The following MTA3 variants were observed in gnomAD, a reference collection of about 807,000 sequenced individuals.
MTA3 encodes the protein metastasis associated 1 family member 3, also known as metastasis-associated protein MTA3.
Under a neutral mutation model 83.5 loss-of-function variants are expected in MTA3, and 34 were observed. The ratio of observed to expected loss-of-function variants is 0.41; its 90% CI spans 0.31 to 0.54. The LOEUF (loss-of-function observed/expected upper bound fraction) is 0.54, where lower values mean the gene tolerates loss of function less well. MTA3 is among the 20% of genes least tolerant of loss of function. MTA3 has a pLI of 0.33. For synonymous variants in MTA3, 303 were observed against 252.7 expected (o/e 1.20, Z -1.89); for missense variants, 761 against 726.4 (o/e 1.05, Z -0.55).
At chr2:42,504,743 C>A (rs1674552512) in intron 2 of MTA3, among the ~76,000 whole-genome samples, 1 of 151,648 alleles carries the variant, frequency 6.6e-6, no homozygotes, top group Admixed American at 6.6e-5. Context: ...GCAGTTCTCC[C>A]ACCTCATCTT....
intron 16 of MTA3, chr2:42,752,144 A>G: frequency 2.1e-6 from 1 of 470,354 alleles, no homozygotes; most frequent in Non-Finnish European, 4.4e-6. Flanking sequence ...CATGATTCCT[A>G]AACTGAATTT....
chr2:42,664,972 G>C (rs1035401146), intron 8 of MTA3, among the ~76,000 whole-genome samples: 36 of 152,254 alleles, frequency 2.4e-4, no homozygotes, highest in African/African-American at 8.4e-4. Context: ...GAATATAGTT[G>C]AGCTGTGAAT....
rs780515894 is a variant in MTA3 at position 42,667,030 on chromosome 2, T to C, written c.702+7168T>C. Among the ~76,000 whole-genome samples, 43 of 152,300 alleles carry C rather than the reference T, an allele frequency of 2.8e-4. 1 individual carries two copies. Among genetic ancestry groups the C allele is most frequent in the Non-Finnish European group, 2.1e-4 (14 of 68,022 alleles). On this transcript the variant is annotated intron_variant, in intron 8 of 16. Transcript: ENST00000405094. ...AGCTGTACACACACAGTCTGAACAC[T>C]ATGAACTGTAGGAAGTTTTAAGCAT...
At chr2:42,510,330 AAG>A (rs1182889540) in intron 2 of MTA3, among the ~76,000 whole-genome samples, 3 of 150,664 alleles carry the variant, frequency 2.0e-5, no homozygotes, top group African/African-American at 7.3e-5. Context: ...AAAAAAAAAA[AAG>A]CACAGCAGAA....
At chr2:42,579,013 AT>A in intron 2 of MTA3, 93 bp from the exon 3 acceptor site, 1 of 787,154 alleles carries the variant, frequency 1.3e-6, no homozygotes, top group Middle Eastern at 3.8e-4. Flanking sequence ...GTTAATGAGC[AT>A]GATCATATAA....
At chr2:42,726,863 A>G (rs931001640) in intron 16 of MTA3, among the ~76,000 whole-genome samples, 2 of 152,150 alleles carry the variant, frequency 1.3e-5, no homozygotes, top group African/African-American at 2.4e-5. Flanking sequence ...CCCTGTGACC[A>G]ATCTAATAGA....
At chr2:42,605,179 A>G (rs1573207872) in intron 3 of MTA3, among the ~76,000 whole-genome samples, 1 of 135,224 alleles carries the variant, frequency 7.4e-6, no homozygotes, top group South Asian at 2.4e-4. Flanking sequence ...GGCGCCCCTC[A>G]CCTCCCGGAC....
intron 9 of MTA3, among the ~76,000 whole-genome samples, chr2:42,694,665 G>C (rs1184081418): frequency 6.6e-6 from 1 of 152,208 alleles, no homozygotes; most frequent in Non-Finnish European, 1.5e-5. Flanking sequence ...GATTCAAGAC[G>C]AGACTGTCTC....
chr2:42,542,586 C>T (rs563343618), intron 2 of MTA3, among the ~76,000 whole-genome samples: 17 of 152,268 alleles, frequency 1.1e-4, no homozygotes, highest in African/African-American at 3.6e-4. Context: ...GAGTCTCACT[C>T]TGTTGCCCAG....
intron 9 of MTA3, among the ~76,000 whole-genome samples, chr2:42,694,200 C>T (rs1693167449): frequency 6.6e-6 from 1 of 152,116 alleles, no homozygotes. Flanking sequence ...ATTTTTGCCC[C>T]TGAGCTGTAC....
chr2:42,650,680 C>T (rs1343830690), intron 6 of MTA3, among the ~76,000 whole-genome samples: 2 of 152,162 alleles, frequency 1.3e-5, no homozygotes, highest in Non-Finnish European at 2.9e-5. Context: ...CTGCCCGCCT[C>T]AGCCTCCCAA....
chr2:42,703,992 T>C, intron 11 of MTA3: 1 of 519,132 alleles, frequency 1.9e-6, no homozygotes, highest in East Asian at 3.7e-5. Flanking sequence ...CATAAGCAAT[T>C]CCTTTTTTCA....
At chr2:42,689,233 A>C (rs1422702684) in intron 9 of MTA3, among the ~76,000 whole-genome samples, 1 of 152,178 alleles carries the variant, frequency 6.6e-6, no homozygotes, top group Non-Finnish European at 1.5e-5. Context: ...TTGATTTCCC[A>C]GTATTTTGTT....
At chr2:42,515,193 G>A (rs930652718) in intron 2 of MTA3, among the ~76,000 whole-genome samples, 1 of 151,914 alleles carries the variant, frequency 6.6e-6, no homozygotes, top group African/African-American at 2.4e-5. Context: ...TGAGTAGCTG[G>A]GATTACAGGT....
At chr2:42,535,445 C>T (rs1159913800) in intron 2 of MTA3, among the ~76,000 whole-genome samples, 1 of 151,850 alleles carries the variant, frequency 6.6e-6, no homozygotes, top group Non-Finnish European at 1.5e-5. Flanking sequence ...GAGATGGGAT[C>T]TCACCATGTT....
In MTA3 at chr2:42,700,251, C is replaced by T. The variant is rs536815514; in HGVS notation, c.1025+2417C>T. Among the ~76,000 whole-genome samples, 9 of 151,918 alleles carry T rather than the reference C, an allele frequency of 5.9e-5. No homozygotes were observed. In the South Asian group the frequency reaches 1.9e-3, roughly 32 times the overall value. ...TGAGGAGAGTGAGGGAAGGTTTGAGCGTTAGATAAAAGGAAGGGCAATTTC... is the reference window on the plus strand; with the variant it reads ...TGAGGAGAGTGAGGGAAGGTTTGAGTGTTAGATAAAAGGAAGGGCAATTTC... On this transcript the variant is annotated intron_variant, in intron 11 of 16. Transcript: ENST00000405094.
chr2:42,644,046 C>G, intron 5 of MTA3, 81 bp from the exon 6 acceptor site: 1 of 818,944 alleles, frequency 1.2e-6, no homozygotes, highest in Non-Finnish European at 1.9e-6. Context: ...TTTATATGTT[C>G]ATTGTAGCAA....
chr2:42,711,066 C>G (rs1666567649), intron 14 of MTA3, among the ~76,000 whole-genome samples: 1 of 151,548 alleles, frequency 6.6e-6, no homozygotes, highest in South Asian at 2.1e-4. Context: ...GCAACACAGA[C>G]TCCGCATTAA....
At chr2:42,613,763 G>A (rs1421608025) in intron 4 of MTA3, 1 of 152,178 alleles carries the variant, frequency 6.6e-6, no homozygotes, top group East Asian at 1.9e-4. Context: ...TTCCCAAAGT[G>A]GCAGGGAGGA....
Sources: allele counts gnomAD v4.1 joint callset (sites outside exome capture counted in the v4.1 genomes callset), GRCh38; gene constraint gnomAD v4.1.1; transcripts MANE v1.5; gene names NCBI Gene and HGNC (gene_info 2026-07-23, HGNC 2026-07-21).